The following MRPS6 variants were observed in gnomAD, a reference collection of about 807,000 sequenced individuals.
MRPS6 encodes the protein mitochondrial ribosomal protein S6.
In MRPS6, 6 loss-of-function variants were observed where a neutral mutation model predicts 13.1. That is an observed-to-expected ratio of 0.46 (90% CI 0.25 to 0.91). The LOEUF is 0.91. MRPS6 is among the 40% of genes least tolerant of loss of function. The pLI is 0.18. For missense variants in MRPS6, 164 were observed against 155.6 expected (o/e 1.05, Z -0.29); for synonymous variants, 61 against 56.5 (o/e 1.08, Z -0.36).
At chr21:34,098,623 A>G in intron 1 of MRPS6, 1 of 1,000,302 alleles carries the variant, frequency 1.0e-6, no homozygotes, top group Non-Finnish European at 1.2e-6. Flanking sequence ...GTCTTTCTGT[A>G]GGATGGATAG....
At chr21:34,130,425 G>T (rs1296167083) in intron 2 of MRPS6, among the ~76,000 whole-genome samples, 3 of 152,174 alleles carry the variant, frequency 2.0e-5, no homozygotes, top group Admixed American at 6.5e-5. Context: ...CTCTCCAGGG[G>T]AGGGGCAGAA....
rs1221386473 is a variant in MRPS6 at position 34,131,967 on chromosome 21, A to AC, written c.185+6487_185+6488insC. ...GGTTTGTCTGTAGTAGATGCTCATT[A>AC]ACAAGTTAAGTTTGCCCAGATGAAT... On this transcript the variant is annotated intron_variant, in intron 2 of 2. Transcript: ENST00000399312. 2.0e-5 allele frequency among the ~76,000 whole-genome samples: 3 copies of AC among 152,366 alleles called. No homozygotes were observed. The East Asian group carries it at 5.8e-4, about 29-fold the overall frequency.
At chr21:34,113,645 G>A (rs547550399) in intron 1 of MRPS6, among the ~76,000 whole-genome samples, 1 of 152,246 alleles carries the variant, frequency 6.6e-6, no homozygotes, top group East Asian at 1.9e-4. Flanking sequence ...ACTGCAGTTG[G>A]CCTAGTTGAT....
intron 1 of MRPS6, chr21:34,095,182 A>G (rs781306813): frequency 1.3e-6 from 2 of 1,577,022 alleles, no homozygotes; most frequent in African/African-American, 1.4e-5. Flanking sequence ...GAGCGCTATT[A>G]TTCACAAGTT....
intron 1 of MRPS6, chr21:34,103,091 T>A: frequency 1.0e-6 from 1 of 1,000,110 alleles, no homozygotes; most frequent in African/African-American, 1.7e-5. Context: ...TTTGTTGTTA[T>A]AATTGGAAAC....
intron 1 of MRPS6, among the ~76,000 whole-genome samples, chr21:34,081,321 C>T (rs1011230246): frequency 6.6e-6 from 1 of 151,992 alleles, no homozygotes; most frequent in African/African-American, 2.4e-5. Flanking sequence ...TGTCATGACC[C>T]CTATATTGAG....
chr21:34,087,794 G>A (rs1271174509), intron 1 of MRPS6, among the ~76,000 whole-genome samples: 1 of 152,266 alleles, frequency 6.6e-6, no homozygotes, highest in Non-Finnish European at 1.5e-5. Context: ...AAGAGGCTGG[G>A]ACAGTGATCT....
At chr21:34,138,410 A>T (rs1980782068) in intron 2 of MRPS6, among the ~76,000 whole-genome samples, 4 of 152,066 alleles carry the variant, frequency 2.6e-5, no homozygotes, top group Admixed American at 2.6e-4. Flanking sequence ...TAAGTCTTTA[A>T]TCCATCTTGA....
At chr21:34,105,276 G>A in intron 1 of MRPS6, 1 of 1,000,214 alleles carries the variant, frequency 1.0e-6, no homozygotes, top group Non-Finnish European at 1.2e-6. Flanking sequence ...TGGCAATCAT[G>A]TATGAACTGT....
chr21:34,131,451 G>T (rs1980499729), intron 2 of MRPS6, among the ~76,000 whole-genome samples: 1 of 152,162 alleles, frequency 6.6e-6, no homozygotes, highest in African/African-American at 2.4e-5. Context: ...ACCTTCCCTT[G>T]AACAGCAGCT....
chr21:34,095,735 T>G, intron 1 of MRPS6: 1 of 1,565,114 alleles, frequency 6.4e-7, no homozygotes, highest in Non-Finnish European at 8.7e-7. Context: ...GAGGCCTTGT[T>G]GCAGTGATCT....
intron 1 of MRPS6, chr21:34,101,386 T>G (rs1301945554): frequency 7.0e-6 from 7 of 1,000,064 alleles, no homozygotes; most frequent in African/African-American, 3.5e-5. Flanking sequence ...ACAGTAGAGA[T>G]AATTTAGTAG....
At chr21:34,103,331 A>C in intron 1 of MRPS6, 1 of 994,954 alleles carries the variant, frequency 1.0e-6, no homozygotes. Context: ...AAAAAAAAAA[A>C]CATGCATTAC....
At chr21:34,109,741 T>G (rs1222671424) in intron 1 of MRPS6, among the ~76,000 whole-genome samples, 1 of 152,198 alleles carries the variant, frequency 6.6e-6, no homozygotes, top group African/African-American at 2.4e-5. Flanking sequence ...ATTTTCTGCT[T>G]CTACTTCCTT....
chr21:34,088,314 G>C (rs11701755), intron 1 of MRPS6, among the ~76,000 whole-genome samples: 152,343 of 152,344 alleles, frequency 1, 76,171 homozygotes, highest in Non-Finnish European at 1. Context: ...GGCAGAAAGC[G>C]TTGAACTTGG....
At chr21:34,123,974 C>T (rs1980212954) in intron 1 of MRPS6, 2 of 152,212 alleles carry the variant, frequency 1.3e-5, no homozygotes, top group Admixed American at 1.3e-4. Flanking sequence ...GACTTTGAGT[C>T]CTCTTGTTAG....
intron 1 of MRPS6, chr21:34,102,970 AAAAGAGTGT>A (rs532819945): frequency 5.0e-4 from 497 of 999,844 alleles, no homozygotes; most frequent in Non-Finnish European, 5.9e-4. Flanking sequence ...GCTGCTGGAT[AAAAGAGTGT>A]TTACTTTTTA....
rs946644045 is a variant in MRPS6, at chr21:34,097,863, T to C, written c.45+24118T>C. On this transcript the variant is annotated intron_variant, in intron 1 of 2. Transcript: ENST00000399312. Reference sequence around the variant, plus strand: ...TGTGTGATACTTGTTTCAGGACAAGTTCATTTGCCAGGTTCATTTTGTTAG... The same window carrying C: ...TGTGTGATACTTGTTTCAGGACAAGCTCATTTGCCAGGTTCATTTTGTTAG... The C allele has an allele frequency of 1.9e-5, 19 of 997,146 alleles. No homozygotes were observed. In the African/African-American group the frequency reaches 3.1e-4, roughly 17 times the overall value. 61.8% of individuals were successfully genotyped at this position (997,146 alleles called of 1,614,324 possible).
intron 1 of MRPS6, among the ~76,000 whole-genome samples, chr21:34,117,041 C>T (rs890409302): frequency 1.3e-5 from 2 of 152,160 alleles, no homozygotes; most frequent in Non-Finnish European, 2.9e-5. Context: ...ATTCCCCACA[C>T]TAGAAGTAGC....
Sources: allele counts gnomAD v4.1 joint callset (sites outside exome capture counted in the v4.1 genomes callset), GRCh38; gene constraint gnomAD v4.1.1; transcripts MANE v1.5; gene names NCBI Gene and HGNC (gene_info 2026-07-23, HGNC 2026-07-21).